Variants in PIAS1 observed in about 807,000 individuals in gnomAD.
The protein encoded by PIAS1 is E3 SUMO-protein ligase PIAS1.
PIAS1 carries 6 observed loss-of-function variants against 71.3 expected under a neutral mutation model. That is an observed-to-expected ratio of 0.08 (90% CI 0.05 to 0.17). The LOEUF is 0.17. PIAS1 is among the 10% of genes least tolerant of loss of function. The pLI is 1.00. For missense variants in PIAS1, 555 were observed against 793.6 expected, an observed-to-expected ratio of 0.70 and a Z score of 3.61; for synonymous variants, 303 against 292.9, an observed-to-expected ratio of 1.03 and a Z score of -0.35.
intron 2 of PIAS1, among the ~76,000 whole-genome samples, chr15:68,094,112 A>C (rs1003293527): frequency 4.6e-5 from 7 of 151,470 alleles, no homozygotes; most frequent in Non-Finnish European, 8.8e-5. Context: ...ATTAAACACC[A>C]AGAATGTCTA....
chr15:68,055,120 G>C (rs528908062), intron 1 of PIAS1: 35 of 707,392 alleles, frequency 4.9e-5, no homozygotes, highest in Admixed American at 1.3e-4. Flanking sequence ...GTGTTGGGAG[G>C]GGGGGATGCA....
chr15:68,157,443 C>A (rs1222426288), intron 7 of PIAS1, among the ~76,000 whole-genome samples: 2 of 152,162 alleles, frequency 1.3e-5, no homozygotes, highest in Non-Finnish European at 2.9e-5. Flanking sequence ...TACACTTGCT[C>A]TTTTTACCTC....
At chr15:68,154,343 T>G (rs540475514) in intron 7 of PIAS1, among the ~76,000 whole-genome samples, 29 of 152,358 alleles carry the variant, frequency 1.9e-4, no homozygotes, top group African/African-American at 6.5e-4. Context: ...GTTTGGCCTT[T>G]CCAAAGAGGT....
intron 2 of PIAS1, among the ~76,000 whole-genome samples, chr15:68,099,106 C>T (rs1396972138): frequency 6.6e-6 from 1 of 152,026 alleles, no homozygotes; most frequent in Non-Finnish European, 1.5e-5. Flanking sequence ...TTAACTTGCA[C>T]TTCTCTTATG....
intron 2 of PIAS1, among the ~76,000 whole-genome samples, chr15:68,098,748 T>C (rs917689099): frequency 6.6e-6 from 1 of 152,276 alleles, no homozygotes. Flanking sequence ...TAGTAGGCAA[T>C]AGATTCGTTG....
intron 8 of PIAS1, among the ~76,000 whole-genome samples, chr15:68,170,023 T>G (rs1408589255): frequency 6.6e-6 from 1 of 152,152 alleles, no homozygotes; most frequent in Non-Finnish European, 1.5e-5. Flanking sequence ...CCTGCATACC[T>G]TCCATGAGTG....
rs1437116873 is a variant in PIAS1 at position 68,174,748 on chromosome 15, C to G, written c.1169+856C>G. Among the ~76,000 whole-genome samples, 1 of 152,038 alleles carries G rather than the reference C, an allele frequency of 6.6e-6. No homozygotes were observed. The highest frequency in any genetic ancestry group is 1.5e-5 in the Non-Finnish European group (1 of 68,020). ...TGTAGTATTTAAGAAAACATAGGAG[C>G]CTAAAGGTGGTAATATCAGAAATTA... On this transcript the variant is annotated intron_variant, in intron 9 of 13. Coordinates refer to ENST00000249636, the MANE Select transcript of PIAS1 (RefSeq NM_016166.3). The surrounding 1 kb of genome is among the most constrained non-coding windows in gnomAD (Gnocchi z 4.0).
In PIAS1 at chr15:68,173,986, A is replaced by G. The variant is rs1188776566; in HGVS notation, c.1169+94A>G. On this transcript the variant is annotated intron_variant, in intron 9 of 13. Coordinates refer to ENST00000249636, the MANE Select transcript of PIAS1 (RefSeq NM_016166.3). The surrounding 1 kb of genome is among the most constrained non-coding windows in gnomAD (Gnocchi z 4.3). ...ATTTGGGATGAAAATTCTAAGTTAT[A>G]TATTTGTAGGATTTTTGTGAGTCTG... 9 of 762,664 alleles carry G rather than the reference A, an allele frequency of 1.2e-5. No homozygotes were observed. The highest frequency in any genetic ancestry group is 6.5e-5 in the East Asian group (2 of 30,864). The allele number at this position is 762,664 out of a possible 1,614,324, so 47.2% of individuals were successfully genotyped here.
Position 68,126,479 on chromosome 15 carries a change from C to G in PIAS1, c.470-15467C>G, listed in dbSNP as rs144361484. ...TTCTGTTTTTGAGACAAGGCTGGCT[C>G]TCACCCAGGCTGGAGTACAGTGTTG... On this transcript the variant is annotated intron_variant, in intron 2 of 13. Transcript: ENST00000249636. Among the ~76,000 whole-genome samples, 67 of 152,186 alleles carry G rather than the reference C, an allele frequency of 4.4e-4. 2 individuals carry two copies. In the Middle Eastern group the frequency reaches 0.027, roughly 62 times the overall value.
In PIAS1 at chr15:68,192,406, G is replaced by A. The variant is rs1034819428; in HGVS notation, c.*4571G>A. 5 of 152,166 alleles carry A rather than the reference G, an allele frequency of 3.3e-5. No homozygotes were observed. Among genetic ancestry groups the A allele is most frequent in the African/African-American group, 4.8e-5 (2 of 41,436 alleles). 9.4% of individuals were successfully genotyped at this position (152,166 alleles called of 1,614,324 possible). ...TGTATTCTTAAGGCAGCCAAATCTC[G>A]TAAACCTCAGACCCCACAAAACATC... On this transcript the variant is annotated 3_prime_UTR_variant, in exon 14 of 14. Coordinates refer to ENST00000249636, the MANE Select transcript of PIAS1 (RefSeq NM_016166.3).
chr15:68,191,844 A>G lies in PIAS1; in HGVS notation c.*4009A>G, dbSNP rs1017288889. ...CCTCGGGTAGAGGTTTGAATCAAACACTTAATAGGATCTTAGACTCTGGAC... is the reference window on the plus strand; with the variant it reads ...CCTCGGGTAGAGGTTTGAATCAAACGCTTAATAGGATCTTAGACTCTGGAC... On this transcript the variant is annotated 3_prime_UTR_variant, in exon 14 of 14. Coordinates refer to ENST00000249636, the MANE Select transcript of PIAS1 (RefSeq NM_016166.3). 4 of 152,196 alleles carry G rather than the reference A, an allele frequency of 2.6e-5. No homozygotes were observed. The highest frequency in any genetic ancestry group is 9.7e-5 in the African/African-American group (4 of 41,444). The allele number at this position is 152,196 out of a possible 1,614,324, so 9.4% of individuals were successfully genotyped here. A position where few individuals can be genotyped will look rare whatever the true frequency, so the allele number is the denominator to read the frequency against.
chr15:68,071,709 A>C (rs772811947), intron 1 of PIAS1, among the ~76,000 whole-genome samples: 1 of 151,224 alleles, frequency 6.6e-6, no homozygotes, highest in Non-Finnish European at 1.5e-5. Context: ...TCACACCTGT[A>C]ATCCCAGCAC....
chr15:68,170,125 G>C (rs1244238408), intron 8 of PIAS1, among the ~76,000 whole-genome samples: 30 of 152,254 alleles, frequency 2.0e-4, no homozygotes, highest in Admixed American at 2.0e-3. Flanking sequence ...ATGGGAACAA[G>C]GAAATTAGTC....
rs535724836 is a variant in PIAS1 at position 68,054,600 on chromosome 15, G to T, written c.24+250G>T. 1.2e-5 allele frequency: 5 copies of T among 432,886 alleles called. No individual in the cohort carries two copies. The highest frequency in any genetic ancestry group is 2.0e-5 in the Non-Finnish European group (5 of 244,164). 26.8% of individuals were successfully genotyped at this position (432,886 alleles called of 1,614,324 possible). On this transcript the variant is annotated intron_variant, in intron 1 of 13. Coordinates refer to ENST00000249636, the MANE Select transcript of PIAS1 (RefSeq NM_016166.3). This position sits in a 1 kb window ranked among gnomAD's most constrained non-coding sequence, Gnocchi z 4.6. ...ATTGTTGTGGGCGCCTCTGGCGGGG[G>T]TGGCGGGGGAAGAGATAGGGAGTCC...
At chr15:68,147,742 G>T (rs2092818313) in intron 6 of PIAS1, among the ~76,000 whole-genome samples, 1 of 152,022 alleles carries the variant, frequency 6.6e-6, no homozygotes, top group Non-Finnish European at 1.5e-5. Flanking sequence ...ATATATGTGT[G>T]ATGTGAGGTA....
chr15:68,134,622 A>C (rs1455618826), intron 2 of PIAS1, among the ~76,000 whole-genome samples: 9 of 21,182 alleles, frequency 4.2e-4, no homozygotes, highest in East Asian at 1.4e-3. Context: ...CGGGGGGCTA[A>C]CCCCCCCCAC....
At chr15:68,094,862 T>TCG (rs939179336) in intron 2 of PIAS1, among the ~76,000 whole-genome samples, 9 of 152,218 alleles carry the variant, frequency 5.9e-5, no homozygotes, top group African/African-American at 1.9e-4. Context: ...CAAAATGAAG[T>TCG]CTAACACTTA....
rs2093034859 is a variant in PIAS1 at position 68,178,712 on chromosome 15, A to AAT, written c.1481+2067_1481+2068dup. Among the ~76,000 whole-genome samples, 1 of 152,110 alleles carries AAT rather than the reference A, an allele frequency of 6.6e-6. No individual in the cohort carries two copies. Among genetic ancestry groups the AAT allele is most frequent in the Non-Finnish European group, 1.5e-5 (1 of 67,980 alleles). On this transcript the variant is annotated intron_variant, in intron 11 of 13. Coordinates refer to ENST00000249636, the MANE Select transcript of PIAS1 (RefSeq NM_016166.3). The surrounding 1 kb of genome is among the most constrained non-coding windows in gnomAD (Gnocchi z 4.2). ...AATACTTTTGGGCTAAATGCATCAT[A>AAT]ATATATATATTTGTTCTGTTCTTTA...
rs1376711574 is a variant in PIAS1, at chr15:68,135,341, G to A, written c.470-6605G>A. 1.1e-4 allele frequency among the ~76,000 whole-genome samples: 4 copies of A among 37,986 alleles called. 1 individual carries two copies. The highest frequency in any genetic ancestry group is 1.5e-3 in the South Asian group (2 of 1,364). The allele number at this position is 37,986 out of a possible 152,430, so 24.9% of individuals were successfully genotyped here. A position where few individuals can be genotyped will look rare whatever the true frequency, so the allele number is the denominator to read the frequency against. On this transcript the variant is annotated intron_variant, in intron 2 of 13. Transcript: ENST00000249636. ...TGGGCAGAGGCCCCCCTCACCTCCC[G>A]GATGGGGCGGCTGGCCGGGCGGGGG...
Sources: allele counts gnomAD v4.1 joint callset (sites outside exome capture counted in the v4.1 genomes callset), GRCh38; gene constraint gnomAD v4.1.1; non-coding constraint Gnocchi (gnomAD v3.1); transcripts MANE v1.5; gene names NCBI Gene and HGNC (gene_info 2026-07-23, HGNC 2026-07-21).